RANBP2: variants seen among roughly 807,000 people sequenced by gnomAD.
RANBP2 encodes the protein E3 SUMO-protein ligase RanBP2.
In RANBP2, 57 loss-of-function variants were observed where a neutral mutation model predicts 303.6. The observed-to-expected ratio is 0.19, with a 90% confidence interval of 0.15 to 0.23. The LOEUF is 0.23. Among genes scored for constraint, RANBP2 ranks in the 10% least tolerant of loss-of-function variants. RANBP2 has a pLI of 1.00. For synonymous variants in RANBP2, 1,167 were observed against 1,301.5 expected (o/e 0.90, Z 2.23); for missense variants, 3,138 against 3,780.8 (o/e 0.83, Z 4.46).
At chr2:108,886,676 T>C in the RANBP2 span, among the ~76,000 whole-genome samples, 1 of 151,924 alleles carries the variant, frequency 6.6e-6, no homozygotes, top group Non-Finnish European at 1.5e-5. Context: ...CCTCCCAAAG[T>C]GCTGGGATTA....
the RANBP2 span, among the ~76,000 whole-genome samples, chr2:109,689,641 T>TC: frequency 2.0e-5 from 3 of 152,138 alleles, no homozygotes; most frequent in African/African-American, 7.2e-5. Flanking sequence ...GAGATTTTTT[T>TC]CCCGCTACAT....
At chr2:109,657,016 T>C in the RANBP2 span, among the ~76,000 whole-genome samples, 2 of 152,166 alleles carry the variant, frequency 1.3e-5, no homozygotes, top group Non-Finnish European at 2.9e-5. Context: ...ATTTCAACAA[T>C]TGGGCCAAGA....
At chr2:109,750,725 A>AATAATG in the RANBP2 span, among the ~76,000 whole-genome samples, 1 of 113,568 alleles carries the variant, frequency 8.8e-6, no homozygotes, top group Non-Finnish European at 1.8e-5. Context: ...TAATAATAAT[A>AATAATG]ATAATTTTTT....
At position 108,782,277 on chromosome 2, in the gene RANBP2, G is replaced by T. The variant is rs1298156000; in HGVS notation, c.8910G>T (p.Arg2970=). 1 of 1,614,142 alleles carries T rather than the reference G, an allele frequency of 6.2e-7. No individual in the cohort carries two copies. Among genetic ancestry groups the T allele is most frequent in the Non-Finnish European group, 8.5e-7 (1 of 1,180,014 alleles). The part of the protein sequence containing the change: ...ILWHTMKNYY[R]ILMRRDQVFK... ...GGCATACAATGAAGAATTATTACCG[G>T]ATCCTAATGAGAAGAGACCAGGTTT... Residue 2970 remains arginine, a synonymous_variant, in exon 27 of 29, where the codon CGG becomes CGT. Coordinates refer to ENST00000283195, the MANE Select transcript of RANBP2 (RefSeq NM_006267.5).
At chr2:109,398,491 C>A in the RANBP2 span, 6 of 1,078,468 alleles carry the variant, frequency 5.6e-6, no homozygotes, top group Non-Finnish European at 7.9e-6. Context: ...GAATGCATTG[C>A]CAGTTTGTGA....
chr2:109,435,293 C>T, the RANBP2 span, among the ~76,000 whole-genome samples: 1 of 152,204 alleles, frequency 6.6e-6, no homozygotes, highest in East Asian at 1.9e-4. Context: ...GTGGAAGACA[C>T]CTGTCCCCCT....
At chr2:108,867,541 C>G in the RANBP2 span, among the ~76,000 whole-genome samples, 1 of 152,100 alleles carries the variant, frequency 6.6e-6, no homozygotes, top group African/African-American at 2.4e-5. Context: ...CCTCCCCAAG[C>G]CTTTGGCAAG....
the RANBP2 span, among the ~76,000 whole-genome samples, chr2:109,528,404 C>T: frequency 6.6e-6 from 1 of 152,204 alleles, no homozygotes; most frequent in Non-Finnish European, 1.5e-5. Flanking sequence ...GCCAACATGG[C>T]CCATGGGAAA....
At chr2:108,924,840 T>C in the RANBP2 span, among the ~76,000 whole-genome samples, 1 of 152,240 alleles carries the variant, frequency 6.6e-6, no homozygotes, top group African/African-American at 2.4e-5. Context: ...CTTCTTTCTA[T>C]GAGGCAGGCC....
At chr2:109,400,677 C>T in the RANBP2 span, among the ~76,000 whole-genome samples, 1 of 123,464 alleles carries the variant, frequency 8.1e-6, no homozygotes, top group African/African-American at 3.2e-5. Flanking sequence ...CGCACACACA[C>T]ATTGGTGGAT....
At chr2:108,791,933 T>C in the RANBP2 span, 1 of 901,776 alleles carries the variant, frequency 1.1e-6, no homozygotes, top group Non-Finnish European at 1.6e-6. Flanking sequence ...TTCTGTAAGC[T>C]AGGAGATAGT....
At chr2:108,998,909 A>C in the RANBP2 span, among the ~76,000 whole-genome samples, 1 of 152,108 alleles carries the variant, frequency 6.6e-6, no homozygotes, top group Non-Finnish European at 1.5e-5. Context: ...TGCCTCCTCC[A>C]CCAGAGCCTG....
At chr2:108,881,347 G>T in the RANBP2 span, among the ~76,000 whole-genome samples, 2 of 152,224 alleles carry the variant, frequency 1.3e-5, no homozygotes, top group East Asian at 3.9e-4. Context: ...GAATTGAAGA[G>T]AGTTAGGGCC....
the RANBP2 span, among the ~76,000 whole-genome samples, chr2:109,034,056 G>A: frequency 2.0e-5 from 3 of 150,672 alleles, no homozygotes; most frequent in African/African-American, 7.3e-5. Flanking sequence ...GGATCACAAG[G>A]TCAAGAGATG....
the RANBP2 span, among the ~76,000 whole-genome samples, chr2:109,588,634 T>C: frequency 6.6e-6 from 1 of 151,794 alleles, no homozygotes; most frequent in Non-Finnish European, 1.5e-5. Flanking sequence ...GCTGGGATAA[T>C]AGGCGCCCAC....
At chr2:108,962,449 G>T in the RANBP2 span, among the ~76,000 whole-genome samples, 1 of 152,128 alleles carries the variant, frequency 6.6e-6, no homozygotes, top group African/African-American at 2.4e-5. Flanking sequence ...CGAGGCTGGT[G>T]GATCATGAGG....
the RANBP2 span, among the ~76,000 whole-genome samples, chr2:109,064,954 G>C: frequency 9.8e-5 from 15 of 152,294 alleles, no homozygotes; most frequent in African/African-American, 2.6e-4. Context: ...AAAATTTCAC[G>C]AGATTTTGGC....
the RANBP2 span, among the ~76,000 whole-genome samples, chr2:108,872,879 C>T: frequency 6.6e-6 from 1 of 152,144 alleles, no homozygotes; most frequent in African/African-American, 2.4e-5. Context: ...CTAAATAGCC[C>T]CACAAGTCTT....
chr2:109,081,005 A>G, the RANBP2 span, among the ~76,000 whole-genome samples: 9 of 152,280 alleles, frequency 5.9e-5, no homozygotes, highest in East Asian at 1.9e-4. Flanking sequence ...GCCATCCACT[A>G]TGCTAGCTAC....
Sources: allele counts gnomAD v4.1 joint callset (sites outside exome capture counted in the v4.1 genomes callset), GRCh38; gene constraint gnomAD v4.1.1; transcripts MANE v1.5; gene names NCBI Gene and HGNC (gene_info 2026-07-23, HGNC 2026-07-21).